The following SUCLG2 variants were observed in gnomAD, a reference collection of about 807,000 sequenced individuals.
SUCLG2 encodes succinate-CoA ligase GDP-forming subunit beta, also known as succinate--CoA ligase [GDP-forming] subunit beta, mitochondrial.
In SUCLG2, 42 loss-of-function variants were observed where a neutral mutation model predicts 47.9. That is an observed-to-expected ratio of 0.88 (90% CI 0.69 to 1.14). The LOEUF (loss-of-function observed/expected upper bound fraction) is 1.14, where lower values mean the gene tolerates loss of function less well. Ranked by LOEUF, SUCLG2 falls within the 50% of genes most tolerant of loss-of-function variation. The pLI is 0.00. For synonymous variants in SUCLG2, 195 were observed against 197.3 expected (o/e 0.99, Z 0.10); for missense variants, 571 against 525.9 (o/e 1.09, Z -0.84).
chr3:67,580,463 G>A (rs1707853795), intron 2 of SUCLG2, among the ~76,000 whole-genome samples: 1 of 152,118 alleles, frequency 6.6e-6, no homozygotes, highest in Non-Finnish European at 1.5e-5. Context: ...GAGGAAAAGA[G>A]TGCTAAAAAG....
intron 10 of SUCLG2, chr3:67,360,915 T>C: frequency 1.4e-6 from 1 of 692,866 alleles, no homozygotes; most frequent in Non-Finnish European, 2.1e-6. Flanking sequence ...TGGAGGAATA[T>C]GCTTTGAGGA....
intron 1 of SUCLG2, among the ~76,000 whole-genome samples, chr3:67,616,840 G>C (rs1218871525): frequency 1.3e-5 from 2 of 152,158 alleles, no homozygotes; most frequent in Non-Finnish European, 2.9e-5. Context: ...GATATGAAGA[G>C]GCTCTTAAAC....
intron 9 of SUCLG2, among the ~76,000 whole-genome samples, chr3:67,431,275 C>T (rs1703472601): frequency 6.6e-6 from 1 of 152,130 alleles, no homozygotes; most frequent in African/African-American, 2.4e-5. Context: ...CAGCTTCATC[C>T]CTGGGATGCA....
In SUCLG2 at chr3:67,520,638, C is replaced by G; in HGVS notation, c.418-4G>C. The G allele has an allele frequency of 6.2e-7, 1 of 1,603,364 alleles. No homozygotes were observed. Among genetic ancestry groups the G allele is most frequent in the South Asian group, 1.1e-5 (1 of 89,010 alleles). On this transcript the variant is annotated splice_region_variant and splice_polypyrimidine_tract_variant and intron_variant, in intron 4 of 10. Transcript: ENST00000307227. Reference sequence around the variant, plus strand: ...CCAAGGCTTCAGCAACCATCACCTACCACATTAGTGGGAAAGTCAAATTAA... The same window carrying G: ...CCAAGGCTTCAGCAACCATCACCTAGCACATTAGTGGGAAAGTCAAATTAA...
At chr3:67,545,365 G>T (rs1398406294) in intron 2 of SUCLG2, among the ~76,000 whole-genome samples, 1 of 152,180 alleles carries the variant, frequency 6.6e-6, no homozygotes, top group Non-Finnish European at 1.5e-5. Flanking sequence ...TACCCCAAGA[G>T]AGATGAAAGA....
chr3:67,609,638 G>A, intron 1 of SUCLG2, 42 bp from the exon 2 acceptor site: 2 of 1,588,772 alleles, frequency 1.3e-6, no homozygotes, highest in Non-Finnish European at 1.7e-6. Flanking sequence ...TTCATTAATA[G>A]CAAGAAAAAT....
intron 9 of SUCLG2, among the ~76,000 whole-genome samples, chr3:67,493,793 T>C (rs1444331224): frequency 2.0e-5 from 3 of 152,210 alleles, no homozygotes; most frequent in Non-Finnish European, 2.9e-5. Context: ...AGGAAAATGA[T>C]TCTTCCCTTA....
chr3:67,461,436 C>T (rs1704330581), intron 9 of SUCLG2, among the ~76,000 whole-genome samples: 1 of 151,916 alleles, frequency 6.6e-6, no homozygotes, highest in South Asian at 2.1e-4. Context: ...GGAAGAAGCA[C>T]AAAGATGGCA....
At chr3:67,470,666 T>C (rs947552104) in intron 9 of SUCLG2, among the ~76,000 whole-genome samples, 17 of 152,232 alleles carry the variant, frequency 1.1e-4, no homozygotes, top group African/African-American at 4.1e-4. Flanking sequence ...ATGTAACAAG[T>C]AGGCCCTAAC....
intron 1 of SUCLG2, among the ~76,000 whole-genome samples, chr3:67,648,498 A>G (rs998270857): frequency 1.3e-5 from 2 of 152,196 alleles, no homozygotes; most frequent in Non-Finnish European, 2.9e-5. Flanking sequence ...ATTTAACAGC[A>G]TAAGTCCTTT....
chr3:67,486,720 G>T (rs554257303), intron 9 of SUCLG2, among the ~76,000 whole-genome samples: 63 of 152,088 alleles, frequency 4.1e-4, no homozygotes, highest in Non-Finnish European at 2.9e-5. Context: ...TATGCTTGGG[G>T]GCCAACAGTG....
At chr3:67,436,796 T>C (rs1703634895) in intron 9 of SUCLG2, among the ~76,000 whole-genome samples, 1 of 152,212 alleles carries the variant, frequency 6.6e-6, no homozygotes, top group African/African-American at 2.4e-5. Flanking sequence ...GAATACAAAT[T>C]ATACATTTTT....
Position 67,574,379 on chromosome 3 carries a change from C to T in SUCLG2, c.226+35076G>A, listed in dbSNP as rs369732892. On this transcript the variant is annotated intron_variant, in intron 2 of 10. Transcript: ENST00000307227. ...TGACCACATGGTATAAAGATAGATA[C>T]ATAAATCAATGGAACAGAATCGAGA... Among the ~76,000 whole-genome samples the T allele has an allele frequency of 4.2e-3, 643 of 152,294 alleles. 5 individuals are homozygous for T. Among genetic ancestry groups the T allele is most frequent in the Middle Eastern group, 0.01 (3 of 294 alleles).
chr3:67,636,857 T>C (rs1575834527), intron 1 of SUCLG2, among the ~76,000 whole-genome samples: 4 of 151,680 alleles, frequency 2.6e-5, no homozygotes, highest in Admixed American at 1.3e-4. Flanking sequence ...GAGATCCTGG[T>C]GGAGGATATA....
intron 2 of SUCLG2, among the ~76,000 whole-genome samples, chr3:67,584,982 G>A (rs559968498): frequency 1.3e-5 from 2 of 152,254 alleles, no homozygotes; most frequent in Admixed American, 1.3e-4. Flanking sequence ...TTTAGGTAGG[G>A]ACACAGCCAA....
At chr3:67,439,437 T>C (rs1490603430) in intron 9 of SUCLG2, among the ~76,000 whole-genome samples, 1 of 152,150 alleles carries the variant, frequency 6.6e-6, no homozygotes, top group Admixed American at 6.5e-5. Flanking sequence ...AAAGAGGAAG[T>C]CAAATTGTCT....
At chr3:67,517,641 T>C (rs1705981400) in intron 6 of SUCLG2, among the ~76,000 whole-genome samples, 1 of 152,344 alleles carries the variant, frequency 6.6e-6, no homozygotes, top group African/African-American at 2.4e-5. Context: ...TGTTTTGGTC[T>C]TTGAAGCCAA....
At chr3:67,647,137 T>C (rs901691406) in intron 1 of SUCLG2, among the ~76,000 whole-genome samples, 30 of 152,068 alleles carry the variant, frequency 2.0e-4, no homozygotes, top group African/African-American at 7.0e-4. Context: ...CAGGGAGAAA[T>C]GGATGGGAGC....
chr3:67,532,433 T>C (rs987279364), intron 2 of SUCLG2, among the ~76,000 whole-genome samples: 2 of 152,164 alleles, frequency 1.3e-5, no homozygotes, highest in African/African-American at 4.8e-5. Flanking sequence ...AGATTTTATA[T>C]AGAAGTAGAC....
Sources: gnomAD v4.1 joint callset for allele counts (sites outside exome capture counted in the v4.1 genomes callset) on GRCh38, gnomAD v4.1.1 for gene constraint, MANE v1.5 for transcripts, NCBI Gene and HGNC (gene_info 2026-07-23, HGNC 2026-07-21) for gene names.